PRIMA1: variants seen among roughly 807,000 people sequenced by gnomAD.
The protein encoded by PRIMA1 is proline rich membrane anchor 1.
PRIMA1 carries 7 observed loss-of-function variants against 17.5 expected under a neutral mutation model. The ratio of observed to expected loss-of-function variants is 0.40; its 90% CI spans 0.23 to 0.75. The LOEUF (loss-of-function observed/expected upper bound fraction) is 0.75. PRIMA1 is among the 30% of genes least tolerant of loss of function. The pLI, the probability that PRIMA1 is intolerant of heterozygous loss-of-function variation, is 0.37. For synonymous variants in PRIMA1, 97 were observed against 77.9 expected, an observed-to-expected ratio of 1.25 and a Z score of -1.29; for missense variants, 200 against 201.8, an observed-to-expected ratio of 0.99 and a Z score of 0.05.
intron 3 of PRIMA1, among the ~76,000 whole-genome samples, chr14:93,758,514 G>A (rs1424185148): frequency 4.0e-5 from 6 of 148,940 alleles, no homozygotes; most frequent in Non-Finnish European, 1.5e-5. Flanking sequence ...CACGAAAATT[G>A]CTTGAACCTG....
rs1415423011 is a variant in PRIMA1, at chr14:93,779,187, A to G, written c.218T>C (p.Leu73Pro). Residue 73 changes from leucine to proline, a missense_variant, in exon 3 of 5, where the codon CTC (leucine) becomes CCC (proline). Leu to Pro is a moderately conservative substitution (Grantham distance 98). Coordinates refer to ENST00000393140, the MANE Select transcript of PRIMA1 (RefSeq NM_178013.4). ...PPPPPPPPRL[L>P]SAPAPNSTSC... ...GAGCCATTACTTACCTGGGGCGGAGAGGAGTCTGGGAGGTGGCGGGGGTGG... is the reference window on the plus strand; with the variant it reads ...GAGCCATTACTTACCTGGGGCGGAGGGGAGTCTGGGAGGTGGCGGGGGTGG... 4 of 942,018 alleles carry G rather than the reference A, an allele frequency of 4.2e-6. No individual in the cohort carries two copies. The highest frequency in any genetic ancestry group is 5.1e-6 in the Non-Finnish European group (4 of 790,852). The allele number at this position is 942,018 out of a possible 1,614,324, so 58.4% of individuals were successfully genotyped here.
At chr14:93,761,371 C>T (rs758964550) in intron 3 of PRIMA1, among the ~76,000 whole-genome samples, 1 of 152,092 alleles carries the variant, frequency 6.6e-6, no homozygotes, top group Non-Finnish European at 1.5e-5. Context: ...ACAAAAAACC[C>T]ACCTCTGTCC....
At position 93,720,860 on chromosome 14, in the gene PRIMA1, G is replaced by T; in HGVS notation, c.*584C>A. ...GAGCCTAGGGTGTAGGGTGTCAGTG[G>T]GGATAGGAGGGAGAAGGCAGGCCCT... is the stretch of plus-strand genomic sequence containing the variant. On this transcript the variant is annotated 3_prime_UTR_variant, in exon 5 of 5. Transcript: ENST00000393140. 6.5e-6 allele frequency: 1 copy of T among 152,854 alleles called. No individual in the cohort carries two copies. The highest frequency in any genetic ancestry group is 1.5e-5 in the Non-Finnish European group (1 of 68,442). The allele number at this position is 152,854 out of a possible 1,614,324, so 9.5% of individuals were successfully genotyped here. A position where few individuals can be genotyped will look rare whatever the true frequency, so the allele number is the denominator to read the frequency against.
At chr14:93,756,385 G>T (rs1231434611) in intron 3 of PRIMA1, among the ~76,000 whole-genome samples, 2 of 152,170 alleles carry the variant, frequency 1.3e-5, no homozygotes, top group Admixed American at 1.3e-4. Flanking sequence ...ATAAAGGAGG[G>T]AAATGAAGCT....
intron 4 of PRIMA1, among the ~76,000 whole-genome samples, chr14:93,724,538 G>T (rs2141149959): frequency 6.6e-6 from 1 of 152,264 alleles, no homozygotes; most frequent in East Asian, 1.9e-4. Context: ...GATGTTGCTG[G>T]GTGTGCCTGA....
chr14:93,732,579 G>A (rs997892739), intron 4 of PRIMA1, among the ~76,000 whole-genome samples: 1 of 152,258 alleles, frequency 6.6e-6, no homozygotes, highest in Non-Finnish European at 1.5e-5. Context: ...GGCAGGGACT[G>A]TGCCGGTGGT....
intron 3 of PRIMA1, among the ~76,000 whole-genome samples, chr14:93,743,720 T>C (rs922354443): frequency 6.6e-6 from 1 of 152,214 alleles, no homozygotes; most frequent in Admixed American, 6.5e-5. Flanking sequence ...GACTCGGCCA[T>C]GGGGAGCAGA....
At position 93,726,830 on chromosome 14, in the gene PRIMA1, T is replaced by A. The variant is rs1253642083; in HGVS notation, c.360-5284A>T. ...CTTCAACACACACACAATATACACATACACACATGTCCCTACACACATATG... is the reference window on the plus strand; with the variant it reads ...CTTCAACACACACACAATATACACAAACACACATGTCCCTACACACATATG... On this transcript the variant is annotated intron_variant, in intron 4 of 4. Transcript: ENST00000393140. The surrounding 1 kb of genome is among the most constrained non-coding windows in gnomAD (Gnocchi z 4.2). 6.6e-6 allele frequency among the ~76,000 whole-genome samples: 1 copy of A among 151,960 alleles called. No homozygotes were observed. Among genetic ancestry groups the A allele is most frequent in the Non-Finnish European group, 1.5e-5 (1 of 67,984 alleles).
At chr14:93,772,664 A>C (rs369789980) in intron 3 of PRIMA1, among the ~76,000 whole-genome samples, 3 of 152,358 alleles carry the variant, frequency 2.0e-5, no homozygotes, top group African/African-American at 7.2e-5. Context: ...TTCACCAGGG[A>C]CACTCCGTTG....
At chr14:93,732,098 G>A (rs1182908998) in intron 4 of PRIMA1, among the ~76,000 whole-genome samples, 1 of 152,234 alleles carries the variant, frequency 6.6e-6, no homozygotes, top group Non-Finnish European at 1.5e-5. Flanking sequence ...GTAAGTGAGA[G>A]GGAAATGGCT....
chr14:93,771,103 T>C (rs1433579765), intron 3 of PRIMA1, among the ~76,000 whole-genome samples: 1 of 151,988 alleles, frequency 6.6e-6, no homozygotes, highest in Non-Finnish European at 1.5e-5. Context: ...TGCGTGTGCA[T>C]GTACGCGTGT....
rs568954298 is a variant in PRIMA1, at chr14:93,751,070, G to A, written c.230-13700C>T. Among the ~76,000 whole-genome samples the A allele has an allele frequency of 2.0e-4, 31 of 152,340 alleles. 1 individual carries two copies. Among genetic ancestry groups the A allele is most frequent in the African/African-American group, 6.3e-4 (26 of 41,588 alleles). Reference sequence around the variant, plus strand: ...ACAACATTCCCTGGAAGGCTCGGGGGAGCTGCTTCCCACCTGCTGGCCGGG... The same window carrying A: ...ACAACATTCCCTGGAAGGCTCGGGGAAGCTGCTTCCCACCTGCTGGCCGGG... On this transcript the variant is annotated intron_variant, in intron 3 of 4. Transcript: ENST00000393140.
intron 3 of PRIMA1, among the ~76,000 whole-genome samples, chr14:93,777,311 A>C (rs937840659): frequency 9.9e-5 from 15 of 151,296 alleles, no homozygotes; most frequent in Admixed American, 8.6e-4. Flanking sequence ...TTTTCCCCCA[A>C]CCTGATTAGC....
At chr14:93,786,003 G>A (rs1345039239) in intron 2 of PRIMA1, among the ~76,000 whole-genome samples, 2 of 152,162 alleles carry the variant, frequency 1.3e-5, no homozygotes, top group African/African-American at 4.8e-5. Context: ...TGGGAGGAGT[G>A]CATGGTGCTT....
intron 3 of PRIMA1, among the ~76,000 whole-genome samples, chr14:93,768,296 C>T (rs561120048): frequency 3.3e-5 from 5 of 152,248 alleles, no homozygotes; most frequent in Non-Finnish European, 5.9e-5. Context: ...CAGGGGGCCA[C>T]GGAGAAGGTG....
intron 3 of PRIMA1, among the ~76,000 whole-genome samples, chr14:93,753,090 GGCT>G (rs1342798364): frequency 6.6e-6 from 1 of 152,214 alleles, no homozygotes; most frequent in Non-Finnish European, 1.5e-5. Flanking sequence ...GCTCTTTCCT[GGCT>G]TCTGCACTTG....
rs375603690 is a variant in PRIMA1 at position 93,746,334 on chromosome 14, G to A, written c.230-8964C>T. On this transcript the variant is annotated intron_variant, in intron 3 of 4. Transcript: ENST00000393140. ...GCTGAGGGTGCTGGGGTGCAGGGTT[G>A]GGGGGCTCTCAGTGTGACGCACGGT... is the stretch of plus-strand genomic sequence containing the variant. 2.3e-4 allele frequency among the ~76,000 whole-genome samples: 35 copies of A among 152,162 alleles called. No individual in the cohort carries two copies. The East Asian group carries it at 3.7e-3, about 16-fold the overall frequency.
At chr14:93,783,045 C>A (rs1423463055) in intron 2 of PRIMA1, among the ~76,000 whole-genome samples, 2 of 152,194 alleles carry the variant, frequency 1.3e-5, no homozygotes, top group Non-Finnish European at 2.9e-5. Context: ...CCTCCCTCAC[C>A]CCAAATTAGA....
chr14:93,787,468 G>A (rs1294040975), intron 2 of PRIMA1, among the ~76,000 whole-genome samples, 158 bp downstream of exon 2: 1 of 152,184 alleles, frequency 6.6e-6, no homozygotes, highest in Non-Finnish European at 1.5e-5. Context: ...CTTTTCAGGG[G>A]TAGGGTATAG....
Sources: gnomAD v4.1 joint callset for allele counts (sites outside exome capture counted in the v4.1 genomes callset) on GRCh38, gnomAD v4.1.1 for gene constraint, Gnocchi (gnomAD v3.1) non-coding constraint, MANE v1.5 for transcripts, NCBI Gene and HGNC (gene_info 2026-07-23, HGNC 2026-07-21) for gene names.